ZCCHC7: variants seen among roughly 807,000 people sequenced by gnomAD.
ZCCHC7 encodes zinc finger CCHC domain-containing protein 7.
Under a neutral mutation model 52.0 loss-of-function variants are expected in ZCCHC7, and 35 were observed. The observed-to-expected ratio is 0.67, with a 90% CI of 0.51 to 0.89. ZCCHC7 has a LOEUF of 0.89. Ranked by LOEUF, ZCCHC7 falls within the 40% of genes least tolerant of loss-of-function variation. The pLI is 0.00. For synonymous variants in ZCCHC7, 217 were observed against 221.5 expected, an observed-to-expected ratio of 0.98 and a Z score of 0.18; for missense variants, 574 against 649.1, an observed-to-expected ratio of 0.88 and a Z score of 1.26.
chr9:37,182,602 G>T (rs1242109410), intron 2 of ZCCHC7, among the ~76,000 whole-genome samples: 4 of 152,116 alleles, frequency 2.6e-5, no homozygotes, highest in Non-Finnish European at 5.9e-5. Context: ...CTGACCTTAA[G>T]TGATCCGTCC....
intron 2 of ZCCHC7, among the ~76,000 whole-genome samples, chr9:37,183,394 T>C (rs1822474693): frequency 6.6e-6 from 1 of 152,224 alleles, no homozygotes; most frequent in Non-Finnish European, 1.5e-5. Context: ...GTGTGCTTTA[T>C]TATTTGAAAT....
At chr9:37,140,011 G>A (rs920173116) in intron 2 of ZCCHC7, among the ~76,000 whole-genome samples, 7 of 151,818 alleles carry the variant, frequency 4.6e-5, no homozygotes, top group Admixed American at 2.0e-4. Context: ...TACAAATTAT[G>A]CTTTAAAAAA....
chr9:37,334,010 T>C (rs1019957864), intron 6 of ZCCHC7: 14 of 151,894 alleles, frequency 9.2e-5, no homozygotes, highest in Non-Finnish European at 2.1e-4. Flanking sequence ...TTTTCCAAAA[T>C]TAATACAGTT....
At chr9:37,128,694 G>A (rs1842641447) in intron 2 of ZCCHC7, among the ~76,000 whole-genome samples, 3 of 152,148 alleles carry the variant, frequency 2.0e-5, no homozygotes, top group African/African-American at 7.2e-5. Context: ...CTCTTAAGTT[G>A]GAAATCATTG....
chr9:37,307,920 G>A (rs984924559), intron 5 of ZCCHC7, among the ~76,000 whole-genome samples: 25 of 152,062 alleles, frequency 1.6e-4, no homozygotes, highest in Non-Finnish European at 3.7e-4. Context: ...ATTAAAAGAC[G>A]TACACTTATG....
chr9:37,130,058 G>A (rs1008917682), intron 2 of ZCCHC7, among the ~76,000 whole-genome samples: 1 of 152,010 alleles, frequency 6.6e-6, no homozygotes. Flanking sequence ...GGCCAACATG[G>A]CGAAACCCCA....
chr9:37,237,738 A>C (rs1408995905), intron 2 of ZCCHC7, among the ~76,000 whole-genome samples: 12 of 152,198 alleles, frequency 7.9e-5, no homozygotes, highest in Admixed American at 7.9e-4. Context: ...AATATGCAAG[A>C]GTTATTAAAG....
intron 2 of ZCCHC7, among the ~76,000 whole-genome samples, chr9:37,194,705 C>T (rs1018090258): frequency 2.0e-5 from 3 of 152,112 alleles, no homozygotes; most frequent in African/African-American, 7.2e-5. Context: ...TGCTGGAATT[C>T]GTTTTAAGGA....
chr9:37,286,507 A>C (rs558301438), intron 2 of ZCCHC7, among the ~76,000 whole-genome samples: 34 of 151,960 alleles, frequency 2.2e-4, no homozygotes, highest in African/African-American at 8.2e-4. Flanking sequence ...AAAACACAAA[A>C]ATTAGCTAGG....
At chr9:37,276,410 A>C (rs1158284707) in intron 2 of ZCCHC7, among the ~76,000 whole-genome samples, 2 of 152,198 alleles carry the variant, frequency 1.3e-5, no homozygotes, top group East Asian at 3.8e-4. Flanking sequence ...ATTTGAATTC[A>C]TGCTCAATCA....
chr9:37,301,308 A>G (rs1434020846), intron 2 of ZCCHC7, among the ~76,000 whole-genome samples: 3 of 152,224 alleles, frequency 2.0e-5, no homozygotes, highest in Non-Finnish European at 4.4e-5. Flanking sequence ...TTATAGAAGT[A>G]AGGGGTTATG....
chr9:37,302,654 A>G (rs1343770004), intron 3 of ZCCHC7, among the ~76,000 whole-genome samples: 1 of 152,248 alleles, frequency 6.6e-6, no homozygotes, highest in Non-Finnish European at 1.5e-5. Context: ...GGAGATAGCT[A>G]GATTGTACTT....
intron 1 of ZCCHC7, among the ~76,000 whole-genome samples, chr9:37,124,740 AGT>A (rs2132675049): frequency 6.6e-6 from 1 of 152,348 alleles, no homozygotes; most frequent in East Asian, 1.9e-4. Context: ...TAGAAAGTAA[AGT>A]GTTTCACTTT....
intron 2 of ZCCHC7, among the ~76,000 whole-genome samples, chr9:37,241,088 T>C (rs987943137): frequency 4.6e-5 from 7 of 151,816 alleles, no homozygotes; most frequent in African/African-American, 1.7e-4. Flanking sequence ...ATATACACAA[T>C]AAGTGTGCAC....
intron 5 of ZCCHC7, among the ~76,000 whole-genome samples, chr9:37,307,201 G>A (rs931858352): frequency 2.0e-5 from 3 of 152,106 alleles, no homozygotes; most frequent in Non-Finnish European, 2.9e-5. Flanking sequence ...TATTTGCATT[G>A]TATTGTTGTA....
intron 8 of ZCCHC7, among the ~76,000 whole-genome samples, chr9:37,355,529 T>C (rs1013711110): frequency 6.6e-6 from 1 of 152,214 alleles, no homozygotes; most frequent in African/African-American, 2.4e-5. Flanking sequence ...ATGAAGGTAC[T>C]AATTCTGAGG....
intron 2 of ZCCHC7, among the ~76,000 whole-genome samples, chr9:37,172,673 C>T (rs1261730101): frequency 1.3e-5 from 2 of 152,156 alleles, no homozygotes; most frequent in African/African-American, 4.8e-5. Context: ...GTGGGCATTC[C>T]AATAGGGACT....
intron 2 of ZCCHC7, among the ~76,000 whole-genome samples, chr9:37,179,131 TAA>T (rs2133037866): frequency 6.6e-6 from 1 of 152,346 alleles, no homozygotes; most frequent in African/African-American, 2.4e-5. Flanking sequence ...ATAACCCATG[TAA>T]ATTTTCATTG....
intron 2 of ZCCHC7, among the ~76,000 whole-genome samples, chr9:37,128,109 G>A (rs758498096): frequency 5.3e-5 from 8 of 152,216 alleles, no homozygotes; most frequent in Non-Finnish European, 7.3e-5. Context: ...GATAATGTTT[G>A]TAGGTAGAAA....
Sources: gnomAD v4.1 joint callset for allele counts (sites outside exome capture counted in the v4.1 genomes callset) on GRCh38, gnomAD v4.1.1 for gene constraint, MANE v1.5 for transcripts, NCBI Gene and HGNC (gene_info 2026-07-23, HGNC 2026-07-21) for gene names.